The following SLC39A11 variants were observed in gnomAD, a reference collection of about 807,000 sequenced individuals.
SLC39A11 encodes zinc transporter ZIP11.
A neutral mutation model predicts 36.1 loss-of-function variants in SLC39A11; 33 were observed. The ratio of observed to expected loss-of-function variants is 0.91; its 90% CI spans 0.69 to 1.22. SLC39A11 has a LOEUF of 1.22. SLC39A11 is among the 50% of genes most tolerant of loss of function. The pLI is 0.00. For missense variants in SLC39A11, 432 were observed against 430.3 expected, an observed-to-expected ratio of 1.00 and a Z score of -0.03; for synonymous variants, 166 against 170.3, an observed-to-expected ratio of 0.97 and a Z score of 0.20.
chr17:72,899,966 A>AAG (rs1194421171), intron 5 of SLC39A11, among the ~76,000 whole-genome samples: 3 of 140,956 alleles, frequency 2.1e-5, no homozygotes, highest in South Asian at 4.4e-4. Flanking sequence ...TGAAAAAAGA[A>AAG]AGAGAGAGAG....
chr17:72,818,228 G>C (rs919949573), intron 6 of SLC39A11, among the ~76,000 whole-genome samples: 1 of 152,170 alleles, frequency 6.6e-6, no homozygotes, highest in Admixed American at 6.5e-5. Flanking sequence ...AGCCTGAAAG[G>C]TCCAATCATC....
intron 5 of SLC39A11, among the ~76,000 whole-genome samples, chr17:72,929,638 C>A (rs1298500501): frequency 6.6e-6 from 1 of 152,102 alleles, no homozygotes; most frequent in Non-Finnish European, 1.5e-5. Context: ...ATTAAGGGTG[C>A]AAATTTTTTT....
At chr17:72,993,373 C>T (rs1272041106) in intron 4 of SLC39A11, among the ~76,000 whole-genome samples, 2 of 152,164 alleles carry the variant, frequency 1.3e-5, no homozygotes, top group Non-Finnish European at 2.9e-5. Flanking sequence ...CTACCACGTA[C>T]AATTTTAGTT....
At chr17:72,654,292 G>A (rs2070004686) in intron 7 of SLC39A11, among the ~76,000 whole-genome samples, 1 of 152,094 alleles carries the variant, frequency 6.6e-6, no homozygotes, top group Admixed American at 6.5e-5. Context: ...CTTCCCTCTG[G>A]GGCCCCAGGC....
intron 6 of SLC39A11, among the ~76,000 whole-genome samples, chr17:72,785,108 C>T (rs750677701): frequency 5.9e-5 from 9 of 152,072 alleles, no homozygotes; most frequent in Non-Finnish European, 1.2e-4. Context: ...CCTCATGATC[C>T]GCCCACCTCA....
chr17:72,822,488 G>A (rs980469148), intron 6 of SLC39A11, among the ~76,000 whole-genome samples: 1 of 150,876 alleles, frequency 6.6e-6, no homozygotes, highest in African/African-American at 2.4e-5. Flanking sequence ...TTAGGGGCGG[G>A]TCTGGAGGGC....
chr17:72,864,661 T>C (rs1488331639), intron 5 of SLC39A11, among the ~76,000 whole-genome samples: 1 of 152,192 alleles, frequency 6.6e-6, no homozygotes, highest in Non-Finnish European at 1.5e-5. Flanking sequence ...TCCAAAAATA[T>C]TCACTGATGA....
intron 3 of SLC39A11, among the ~76,000 whole-genome samples, chr17:73,069,568 C>G (rs1568222968): frequency 6.6e-6 from 1 of 152,244 alleles, no homozygotes; most frequent in Non-Finnish European, 1.5e-5. Context: ...GCTTTGATTA[C>G]TGGCTCTTCT....
chr17:72,878,808 C>A (rs2081049669), intron 5 of SLC39A11, among the ~76,000 whole-genome samples: 1 of 152,198 alleles, frequency 6.6e-6, no homozygotes, highest in Admixed American at 6.5e-5. Flanking sequence ...CACTATCTAC[C>A]TGGAGGTAGC....
At chr17:72,787,881 C>T (rs72843279) in intron 6 of SLC39A11, among the ~76,000 whole-genome samples, 8,077 of 152,166 alleles carry the variant, frequency 0.053, 299 homozygotes, top group Non-Finnish European at 0.078. Context: ...CCTTACTGGG[C>T]GCATCCAGTT....
chr17:72,904,661 C>G (rs1354847593), intron 5 of SLC39A11, among the ~76,000 whole-genome samples: 1 of 152,162 alleles, frequency 6.6e-6, no homozygotes, highest in Admixed American at 6.5e-5. Flanking sequence ...AACTGGGCCC[C>G]GGTTTGTTTC....
intron 6 of SLC39A11, among the ~76,000 whole-genome samples, chr17:72,741,746 G>A (rs1440423096): frequency 6.6e-6 from 1 of 152,192 alleles, no homozygotes; most frequent in East Asian, 1.9e-4. Context: ...GAGAGACACA[G>A]GTGGGTTCTG....
At position 72,912,273 on chromosome 17, in the gene SLC39A11, T is replaced by C. The variant is rs1447631377; in HGVS notation, c.430+35479A>G. On this transcript the variant is annotated intron_variant, in intron 5 of 9. Coordinates refer to ENST00000255559, the MANE Select transcript of SLC39A11 (RefSeq NM_139177.4). ...AGCCTGGAGAGCTGGAACTTCACGA[T>C]GTCTACAGAGGACCTAGTGCAGTCC... Among the ~76,000 whole-genome samples, 5 of 151,960 alleles carry C rather than the reference T, an allele frequency of 3.3e-5. No individual in the cohort carries two copies. In the East Asian group the frequency reaches 9.7e-4, roughly 30 times the overall value.
In SLC39A11 at chr17:72,774,095, A is replaced by G. The variant is rs142424091; in HGVS notation, c.602-37376T>C. On this transcript the variant is annotated intron_variant, in intron 6 of 9. Coordinates refer to ENST00000255559, the MANE Select transcript of SLC39A11 (RefSeq NM_139177.4). ...TCTCTCTGTTTGCAAAATGGCACTG[A>G]ATCACTCCTGATTTCTCCAGATAAG... is the stretch of plus-strand genomic sequence containing the variant. Among the ~76,000 whole-genome samples the G allele has an allele frequency of 4.6e-3, 706 of 152,258 alleles. 3 individuals are homozygous for G. Among genetic ancestry groups the G allele is most frequent in the African/African-American group, 0.016 (667 of 41,544 alleles).
intron 7 of SLC39A11, among the ~76,000 whole-genome samples, chr17:72,650,879 G>A (rs548700640): frequency 1.3e-5 from 2 of 152,164 alleles, no homozygotes; most frequent in Non-Finnish European, 2.9e-5. Flanking sequence ...GGCCCTGAAG[G>A]TCCTGTCAGG....
At chr17:72,970,156 A>G (rs2087333397) in intron 4 of SLC39A11, among the ~76,000 whole-genome samples, 1 of 152,218 alleles carries the variant, frequency 6.6e-6, no homozygotes, top group Non-Finnish European at 1.5e-5. Context: ...CTGGAGAAAA[A>G]TCATCAATAA....
rs9900982 is a variant in SLC39A11 at position 72,827,704 on chromosome 17, T to A, written c.601+21930A>T. On this transcript the variant is annotated intron_variant, in intron 6 of 9. Transcript: ENST00000255559. ...CAGCCATCTCATTCTCACCCTTGGA[T>A]ACAGATCCCTCAACCAGGGAAGGAA... is the stretch of plus-strand genomic sequence containing the variant. Among the ~76,000 whole-genome samples, 1,425 of 152,278 alleles carry A rather than the reference T, an allele frequency of 9.4e-3. 30 individuals carry two copies. Among genetic ancestry groups the A allele is most frequent in the African/African-American group, 0.033 (1,383 of 41,558 alleles).
rs561356495 is a variant in SLC39A11 at position 72,837,311 on chromosome 17, G to A, written c.601+12323C>T. Among the ~76,000 whole-genome samples, 637 of 122,430 alleles carry A rather than the reference G, an allele frequency of 5.2e-3. 2 individuals are homozygous for A. Among genetic ancestry groups the A allele is most frequent in the Non-Finnish European group, 7.9e-3 (492 of 61,998 alleles). 80.3% of individuals were successfully genotyped at this position (122,430 alleles called of 152,430 possible). On this transcript the variant is annotated intron_variant, in intron 6 of 9. Coordinates refer to ENST00000255559, the MANE Select transcript of SLC39A11 (RefSeq NM_139177.4). ...TTTTCTCCTGTCTATTGACTTGGAG[G>A]AAAATTCACTAGATTTTTTAAAAAT...
intron 6 of SLC39A11, chr17:72,837,934 T>C: frequency 8.1e-7 from 1 of 1,229,486 alleles, no homozygotes. Context: ...CTTTTTTTCC[T>C]CAGAGGTACT....
Sources: gnomAD v4.1 joint callset for allele counts (sites outside exome capture counted in the v4.1 genomes callset) on GRCh38, gnomAD v4.1.1 for gene constraint, MANE v1.5 for transcripts, NCBI Gene and HGNC (gene_info 2026-07-23, HGNC 2026-07-21) for gene names.